MDM2: variants seen among roughly 807,000 people sequenced by gnomAD.
MDM2 encodes E3 ubiquitin-protein ligase Mdm2.
Under a neutral mutation model 64.3 loss-of-function variants are expected in MDM2, and 11 were observed. That is an observed-to-expected ratio of 0.17 (90% CI 0.11 to 0.28). The LOEUF (loss-of-function observed/expected upper bound fraction) is 0.28. MDM2 is among the 10% of genes least tolerant of loss of function. The probability of loss-of-function intolerance (pLI) is 1.00; values close to 1 mark genes in which losing one functional copy is unlikely to be tolerated. For missense variants in MDM2, 388 were observed against 577.1 expected (o/e 0.67, Z 3.36); for synonymous variants, 194 against 192.9 (o/e 1.01, Z -0.05).
intron 8 of MDM2, among the ~76,000 whole-genome samples, chr12:68,835,229 C>G (rs529302928): frequency 6.6e-6 from 1 of 152,104 alleles, no homozygotes; most frequent in Non-Finnish European, 1.5e-5. Flanking sequence ...CTATATAATT[C>G]ATTATTATAC....
chr12:68,823,420 C>G (rs945408931), intron 5 of MDM2, among the ~76,000 whole-genome samples: 2 of 152,136 alleles, frequency 1.3e-5, no homozygotes, highest in Non-Finnish European at 2.9e-5. Flanking sequence ...TAAAGTTTCT[C>G]TTTTAGTGAA....
intron 5 of MDM2, among the ~76,000 whole-genome samples, chr12:68,821,490 A>C (rs1000101667): frequency 1.2e-4 from 19 of 152,308 alleles, no homozygotes; most frequent in Admixed American, 6.5e-4. Flanking sequence ...TAGGAGGCTA[A>C]GGCAGGAGGA....
chr12:68,823,795 C>G (rs1882071421), intron 5 of MDM2, among the ~76,000 whole-genome samples: 1 of 152,176 alleles, frequency 6.6e-6, no homozygotes, highest in Non-Finnish European at 1.5e-5. Context: ...GTGGCTGCAA[C>G]ATCGCATTAA....
rs3730560 is a variant in MDM2, at chr12:68,823,254, G to GC, written c.359-1109_359-1108insC. ...ACTGTTAAGATGAAAATGTTTCCAA[G>GC]GGGGGTAGTAAAGGGTATTTGATGA... On this transcript the variant is annotated intron_variant, in intron 5 of 10. Transcript: ENST00000258149. Among the ~76,000 whole-genome samples the GC allele has an allele frequency of 4.1e-5, 3 of 73,554 alleles. No individual in the cohort carries two copies. The South Asian group carries it at 2.8e-3, about 67-fold the overall frequency. 48.3% of individuals were successfully genotyped at this position (73,554 alleles called of 152,430 possible).
chr12:68,835,347 A>C (rs1390022594), intron 8 of MDM2, among the ~76,000 whole-genome samples: 1 of 152,220 alleles, frequency 6.6e-6, no homozygotes, highest in Non-Finnish European at 1.5e-5. Flanking sequence ...TATTCTAGTT[A>C]GAGGGGGAAA....
downstream of MDM2, chr12:68,846,255 A>ATTTTTGTAT (rs1156427702): frequency 6.7e-6 from 1 of 148,176 alleles, no homozygotes; most frequent in Non-Finnish European, 1.5e-5. Flanking sequence ...GCCCGGCCTA[A>ATTTTTGTAT]TTTTTGTATT....
At chr12:68,813,650 G>C in intron 3 of MDM2, 22 bp downstream of exon 3, 2 of 1,528,012 alleles carry the variant, frequency 1.3e-6, no homozygotes, top group Non-Finnish European at 1.8e-6. Flanking sequence ...CAAGAGATAA[G>C]TAGTATCTCA....
rs1434261828 is a variant in MDM2 at position 68,808,264 on chromosome 12, G to C, written c.-214G>C. 3.3e-6 allele frequency: 2 copies of C among 607,032 alleles called. No homozygotes were observed. The highest frequency in any genetic ancestry group is 1.9e-5 in the South Asian group (1 of 51,864). The allele number at this position is 607,032 out of a possible 1,614,324, so 37.6% of individuals were successfully genotyped here. ...TCGGAAAGATGGAGCAAGAAGCCGA[G>C]CCCGAGGGGCGGCCGCGACCCCTCT... is the stretch of plus-strand genomic sequence containing the variant. On this transcript the variant is annotated 5_prime_UTR_variant, in exon 1 of 11. Coordinates refer to ENST00000258149, the MANE Select transcript of MDM2 (RefSeq NM_002392.6).
chr12:68,814,042 A>G (rs1881137682), intron 3 of MDM2, among the ~76,000 whole-genome samples: 1 of 152,242 alleles, frequency 6.6e-6, no homozygotes, highest in African/African-American at 2.4e-5. Context: ...AGAAGAAGAT[A>G]TAATAAATAT....
At chr12:68,813,518 T>G (rs1038671429) in intron 2 of MDM2, 36 bp from the exon 3 acceptor site, 6 of 1,454,972 alleles carry the variant, frequency 4.1e-6, no homozygotes, top group Non-Finnish European at 5.7e-6. Context: ...CTGGGATAAT[T>G]TTGGAAGTAT....
chr12:68,830,449 T>C (rs974858035), intron 8 of MDM2, among the ~76,000 whole-genome samples: 2 of 152,266 alleles, frequency 1.3e-5, no homozygotes, highest in African/African-American at 4.8e-5. Context: ...GAGCAGGTTC[T>C]TCATTTGTAG....
chr12:68,823,843 A>T (rs1882075337), intron 5 of MDM2, among the ~76,000 whole-genome samples: 1 of 152,230 alleles, frequency 6.6e-6, no homozygotes, highest in Non-Finnish European at 1.5e-5. Flanking sequence ...GAATGCAGTG[A>T]TAAGGGAATG....
rs1365155028 is a variant in MDM2 at position 68,835,841 on chromosome 12, G to T, written c.697G>T (p.Gly233Cys). ...GTPSNPDLDA[G>C]VSEHSGDWLD... ...TTTCTTGTTTTAGGATCTTGATGCT[G>T]GTGTAAGTGAACATTCAGGTGATTG... The change falls in exon 9 of 11, where the codon GGT (glycine) becomes TGT (cysteine). Residue 233 changes from glycine to cysteine, a missense_variant. Around this residue, in one of 5 missense-constraint regions of MDM2, gnomAD observed 168 missense variants for 236.6 expected, o/e 0.71. Coordinates refer to ENST00000258149, the MANE Select transcript of MDM2 (RefSeq NM_002392.6). 2 of 1,612,466 alleles carry T rather than the reference G, an allele frequency of 1.2e-6. No individual in the cohort carries two copies. The highest frequency in any genetic ancestry group is 1.1e-5 in the South Asian group (1 of 90,812).
chr12:68,814,413 A>G (rs895863462), intron 3 of MDM2, among the ~76,000 whole-genome samples: 1 of 152,268 alleles, frequency 6.6e-6, no homozygotes, highest in Non-Finnish European at 1.5e-5. Context: ...GTTTGCCATA[A>G]GTACAGTATG....
chr12:68,836,080 A>C, intron 9 of MDM2, 96 bp downstream of exon 9: 1 of 1,120,514 alleles, frequency 8.9e-7, no homozygotes, highest in South Asian at 1.9e-5. Flanking sequence ...TTCAGATTTC[A>C]CTTGAAATCT....
intron 5 of MDM2, among the ~76,000 whole-genome samples, chr12:68,822,132 A>G (rs1055417098): frequency 6.6e-6 from 1 of 152,200 alleles, no homozygotes; most frequent in Non-Finnish European, 1.5e-5. Context: ...GGTTACAGGC[A>G]TGAGCCACTG....
At chr12:68,832,317 A>T (rs1882859584) in intron 8 of MDM2, among the ~76,000 whole-genome samples, 1 of 152,132 alleles carries the variant, frequency 6.6e-6, no homozygotes, top group Non-Finnish European at 1.5e-5. Flanking sequence ...ACTGTACACC[A>T]TGCAGTTTAT....
At chr12:68,828,640 G>A (rs535260396) in intron 7 of MDM2, 131 bp from the exon 8 acceptor site, 103 of 683,426 alleles carry the variant, frequency 1.5e-4, no homozygotes, top group African/African-American at 1.5e-3. Flanking sequence ...CAGTTGGACA[G>A]ATTCAATAAA....
chr12:68,824,728 C>T, intron 7 of MDM2, 77 bp downstream of exon 7: 1 of 948,034 alleles, frequency 1.1e-6, no homozygotes, highest in Non-Finnish European at 1.6e-6. Context: ...TGCTTTTAGA[C>T]TTAATTAAAT....
Sources: gnomAD v4.1 joint callset for allele counts (sites outside exome capture counted in the v4.1 genomes callset) on GRCh38, gnomAD v4.1.1 for gene constraint, gnomAD v4.1.1 regional missense constraint, MANE v1.5 for transcripts, NCBI Gene and HGNC (gene_info 2026-07-23, HGNC 2026-07-21) for gene names.